The following CSNK1G3 variants were observed in gnomAD, a reference collection of about 807,000 sequenced individuals.
The protein encoded by CSNK1G3 is casein kinase 1 gamma 3.
Under a neutral mutation model 64.3 loss-of-function variants are expected in CSNK1G3, and 23 were observed. The ratio of observed to expected loss-of-function variants is 0.36; its 90% confidence interval spans 0.26 to 0.51. The LOEUF (loss-of-function observed/expected upper bound fraction) is 0.51, where lower values mean the gene tolerates loss of function less well. Ranked by LOEUF, CSNK1G3 falls within the 20% of genes least tolerant of loss-of-function variation. CSNK1G3 has a pLI of 0.96. For synonymous variants in CSNK1G3, 158 were observed against 162.2 expected (o/e 0.97, Z 0.20); for missense variants, 357 against 510.5 (o/e 0.70, Z 2.90).
chr5:123,616,850 G>C (rs1225625183), exon 13 of CSNK1G3: 1 of 151,986 alleles, frequency 6.6e-6, no homozygotes, highest in African/African-American at 2.4e-5. Flanking sequence ...TAAAAATTTG[G>C]TTTATTTAGT....
At chr5:123,582,800 A>AGGG (rs1036082540) in intron 6 of CSNK1G3, among the ~76,000 whole-genome samples, 1 of 152,082 alleles carries the variant, frequency 6.6e-6, no homozygotes, top group Admixed American at 6.5e-5. Context: ...TAAAGACCCT[A>AGGG]GGGGGTGTTC....
exon 11 of CSNK1G3, chr5:123,604,766 A>G: frequency 6.2e-7 from 1 of 1,612,030 alleles, no homozygotes; most frequent in Non-Finnish European, 8.5e-7. Flanking sequence ...AGATGACCCC[A>G]CCGCAGGACG....
At chr5:123,539,316 G>A (rs1781314954) in intron 1 of CSNK1G3, among the ~76,000 whole-genome samples, 1 of 151,850 alleles carries the variant, frequency 6.6e-6, no homozygotes, top group Non-Finnish European at 1.5e-5. Flanking sequence ...GTGGTGGTGT[G>A]TGTCTGTGGT....
intron 1 of CSNK1G3, among the ~76,000 whole-genome samples, chr5:123,536,656 C>A (rs1233936968): frequency 6.6e-6 from 1 of 151,772 alleles, no homozygotes; most frequent in African/African-American, 2.4e-5. Flanking sequence ...GAAACATCAC[C>A]ATGTACCCCA....
At chr5:123,539,304 G>A (rs907056591) in intron 1 of CSNK1G3, among the ~76,000 whole-genome samples, 23 of 152,006 alleles carry the variant, frequency 1.5e-4, no homozygotes, top group African/African-American at 5.3e-4. Context: ...AATTAGCTGA[G>A]TGTGGTGGTG....
Position 123,613,411 on chromosome 5 carries a change from ATGTG to A in CSNK1G3, c.1218-912_1218-909del, listed in dbSNP as rs34051969. Among the ~76,000 whole-genome samples, 90 of 148,798 alleles carry A rather than the reference ATGTG, an allele frequency of 6.0e-4. 1 individual carries two copies. The highest frequency in any genetic ancestry group is 3.5e-3 in the Middle Eastern group (1 of 284). ...AGGCGGGTGCCACCATGTCCAGTGCATGTGTGTGTGTGTGTGTGTGTGCGTATGT... is the reference window on the plus strand; with the variant it reads ...AGGCGGGTGCCACCATGTCCAGTGCATGTGTGTGTGTGTGTGTGCGTATGT... On this transcript the variant is annotated intron_variant, in intron 12 of 12. Coordinates refer to ENST00000345990, the Ensembl canonical transcript of CSNK1G3.
intron 1 of CSNK1G3, among the ~76,000 whole-genome samples, chr5:123,541,460 A>ATT (rs1301096189): frequency 1.3e-5 from 2 of 152,106 alleles, no homozygotes; most frequent in African/African-American, 4.8e-5. Context: ...ACAGGGTCTC[A>ATT]TTCTGCTGCC....
intron 12 of CSNK1G3, among the ~76,000 whole-genome samples, chr5:123,612,895 A>C (rs751875402): frequency 6.6e-6 from 1 of 152,216 alleles, no homozygotes; most frequent in Admixed American, 6.5e-5. Flanking sequence ...ATATAAATAT[A>C]CTTTGCTTTT....
At chr5:123,544,835 A>G (rs1197110266) in intron 1 of CSNK1G3, among the ~76,000 whole-genome samples, 2 of 152,196 alleles carry the variant, frequency 1.3e-5, no homozygotes, top group African/African-American at 2.4e-5. Flanking sequence ...GTTAAATGTT[A>G]TATAAGAATT....
At chr5:123,605,219 A>T (rs548762123) in intron 11 of CSNK1G3, 120 bp from the exon 13 acceptor site, 2 of 836,350 alleles carry the variant, frequency 2.4e-6, no homozygotes, top group East Asian at 2.7e-5. Flanking sequence ...ATAAATTATA[A>T]CAACATTGCT....
intron 3 of CSNK1G3, 47 bp downstream of exon 3, chr5:123,553,194 T>A: frequency 3.1e-6 from 3 of 965,222 alleles, no homozygotes; most frequent in Non-Finnish European, 4.6e-6. Flanking sequence ...TTTGTTACTT[T>A]TTAAGTAACT....
At chr5:123,535,767 G>T (rs1401282740) in intron 1 of CSNK1G3, among the ~76,000 whole-genome samples, 1 of 152,004 alleles carries the variant, frequency 6.6e-6, no homozygotes, top group Non-Finnish European at 1.5e-5. Flanking sequence ...GAATAGTTCT[G>T]TTTTCTCAAT....
rs976336296 is a variant in CSNK1G3 at position 123,518,776 on chromosome 5, A to G, written c.-248+6206A>G. 2.0e-5 allele frequency among the ~76,000 whole-genome samples: 3 copies of G among 151,762 alleles called. No homozygotes were observed. In the South Asian group the frequency reaches 6.2e-4, roughly 31 times the overall value. On this transcript the variant is annotated intron_variant, in intron 1 of 12. Transcript: ENST00000345990. ...TTAGATGGAAGAGGGAGGATATTTT[A>G]AAAAAATTGTGGGAAGGAAGAATTT...
chr5:123,612,422 ATACC>A (rs1356572959), intron 12 of CSNK1G3, among the ~76,000 whole-genome samples: 1 of 152,050 alleles, frequency 6.6e-6, no homozygotes, highest in African/African-American at 2.4e-5. Flanking sequence ...TATATAAAAC[ATACC>A]TAGTAGTTAT....
chr5:123,564,847 C>G (rs1786514069), intron 4 of CSNK1G3, among the ~76,000 whole-genome samples: 1 of 152,116 alleles, frequency 6.6e-6, no homozygotes, highest in Admixed American at 6.6e-5. Flanking sequence ...GTCCATAATT[C>G]AGTTCACCTG....
intron 4 of CSNK1G3, among the ~76,000 whole-genome samples, chr5:123,571,130 G>C (rs182732101): frequency 9.7e-4 from 147 of 152,250 alleles, no homozygotes; most frequent in African/African-American, 3.3e-3. Flanking sequence ...GATGGGACAA[G>C]CGTGTGTGAT....
At chr5:123,604,701 T>TA (rs752947311) in intron 10 of CSNK1G3, 23 bp from the exon 12 acceptor site, 47 of 1,455,524 alleles carry the variant, frequency 3.2e-5, no homozygotes, top group Non-Finnish European at 4.1e-5. Flanking sequence ...TATACATATA[T>TA]AAAAAATTTT....
At chr5:123,552,247 C>G (rs549061875) in intron 2 of CSNK1G3, among the ~76,000 whole-genome samples, 3 of 151,546 alleles carry the variant, frequency 2.0e-5, no homozygotes, top group Non-Finnish European at 4.4e-5. Flanking sequence ...TGGGTTCAAG[C>G]GAATTCTCCT....
chr5:123,576,173 C>T (rs914977150), intron 6 of CSNK1G3, among the ~76,000 whole-genome samples: 1 of 152,136 alleles, frequency 6.6e-6, no homozygotes, highest in African/African-American at 2.4e-5. Context: ...TGACAGCTAT[C>T]TTTACATTCA....
Sources: allele counts gnomAD v4.1 joint callset (sites outside exome capture counted in the v4.1 genomes callset), GRCh38; gene constraint gnomAD v4.1.1; transcripts MANE v1.5; gene names NCBI Gene and HGNC (gene_info 2026-07-23, HGNC 2026-07-21).